The following SMC6 variants were observed in gnomAD, a reference collection of about 807,000 sequenced individuals.
SMC6 encodes the protein structural maintenance of chromosomes 6.
In SMC6, 79 loss-of-function variants were observed where a neutral mutation model predicts 142.2. The ratio of observed to expected loss-of-function variants is 0.56; its 90% CI spans 0.46 to 0.67. The LOEUF (loss-of-function observed/expected upper bound fraction) is 0.67. Ranked by LOEUF, SMC6 falls within the 30% of genes least tolerant of loss-of-function variation. SMC6 has a pLI of 0.00. For synonymous variants in SMC6, 411 were observed against 412.4 expected, an observed-to-expected ratio of 1.00 and a Z score of 0.04; for missense variants, 1,072 against 1,284.0, an observed-to-expected ratio of 0.83 and a Z score of 2.52.
chr2:17,701,715 A>C, intron 20 of SMC6, 114 bp downstream of exon 20: 1 of 658,596 alleles, frequency 1.5e-6, no homozygotes, highest in Non-Finnish European at 2.6e-6. Flanking sequence ...GACAGCAATC[A>C]TAAAGAGTAG....
At chr2:17,678,808 G>T (rs1455371924) in intron 25 of SMC6, 51 bp downstream of exon 25, 14 of 1,335,592 alleles carry the variant, frequency 1.0e-5, no homozygotes, top group Non-Finnish European at 1.0e-5. Context: ...GAAAAGAAAA[G>T]AAACAACTAG....
intron 4 of SMC6, among the ~76,000 whole-genome samples, chr2:17,740,085 T>G (rs1390529198): frequency 1.3e-5 from 2 of 152,220 alleles, no homozygotes; most frequent in Admixed American, 6.5e-5. Context: ...TCTAACTCTC[T>G]TTTCTTCATT....
intron 9 of SMC6, among the ~76,000 whole-genome samples, chr2:17,722,232 TCAA>T (rs1399186589): frequency 6.6e-6 from 1 of 152,124 alleles, no homozygotes; most frequent in Non-Finnish European, 1.5e-5. Flanking sequence ...AGAAACTCCC[TCAA>T]CAATCTACAA....
chr2:17,704,450 CAG>C (rs1668410061), intron 18 of SMC6, among the ~76,000 whole-genome samples: 1 of 152,134 alleles, frequency 6.6e-6, no homozygotes, highest in Non-Finnish European at 1.5e-5. Flanking sequence ...CTCCATACAG[CAG>C]AGTCAACTGG....
At chr2:17,681,161 C>G (rs1329802392) in intron 24 of SMC6, 1 of 152,408 alleles carries the variant, frequency 6.6e-6, no homozygotes, top group Admixed American at 6.6e-5. Context: ...CCTCTGCTAG[C>G]GTCATACTTT....
intron 26 of SMC6, among the ~76,000 whole-genome samples, chr2:17,668,065 G>A (rs545470309): frequency 6.6e-6 from 1 of 152,062 alleles, no homozygotes; most frequent in Admixed American, 6.5e-5. Context: ...TGTTTTCCTT[G>A]GATTAGCTCA....
intron 7 of SMC6, among the ~76,000 whole-genome samples, chr2:17,730,458 T>G (rs184610783): frequency 1.3e-5 from 2 of 151,704 alleles, no homozygotes; most frequent in African/African-American, 2.4e-5. Context: ...CTATTTTGAC[T>G]AGGACAGCAA....
At chr2:17,750,846 CAA>C (rs57638457) in intron 2 of SMC6, among the ~76,000 whole-genome samples, 6 of 150,300 alleles carry the variant, frequency 4.0e-5, no homozygotes, top group Non-Finnish European at 8.9e-5. Context: ...ACTAAAAATA[CAA>C]AAAAAAATTA....
Position 17,665,610 on chromosome 2 carries a change from T to C in SMC6, c.3165A>G (p.Ser1055=). 1.3e-6 allele frequency: 2 copies of C among 1,593,510 alleles called. No homozygotes were observed. Among genetic ancestry groups the C allele is most frequent in the Non-Finnish European group, 1.7e-6 (2 of 1,168,656 alleles). ...TTCTTATCAGTTTACTGGATGGAAGTGAACTAGAAGAAGCAAAATCAATTA... is the reference window on the plus strand; with the variant it reads ...TTCTTATCAGTTTACTGGATGGAAGCGAACTAGAAGAAGCAAAATCAATTA... The part of the protein sequence containing the change: ...FILLTPQSMS[S]LPSSKLIRIL... The change falls in exon 28 of 28, where the codon TCA becomes TCG. Residue 1055 remains serine, a synonymous_variant. Transcript: ENST00000448223.
intron 23 of SMC6, among the ~76,000 whole-genome samples, chr2:17,690,466 C>T (rs555364202): frequency 2.0e-5 from 3 of 151,942 alleles, no homozygotes; most frequent in South Asian, 2.1e-4. Context: ...TGGTGGTGCA[C>T]GCCTGTAATC....
chr2:17,676,374 T>G, intron 25 of SMC6, among the ~76,000 whole-genome samples: 1 of 152,200 alleles, frequency 6.6e-6, no homozygotes, highest in East Asian at 1.9e-4. Flanking sequence ...TAAAAAAAAT[T>G]ATCAATCACC....
intron 24 of SMC6, chr2:17,680,357 T>A (rs1195193055): frequency 6.6e-6 from 1 of 152,204 alleles, no homozygotes; most frequent in Non-Finnish European, 1.5e-5. Context: ...TCCCACTGCA[T>A]ACAAAAGTTT....
intron 2 of SMC6, among the ~76,000 whole-genome samples, chr2:17,751,509 C>G (rs1671037459): frequency 6.7e-6 from 1 of 148,420 alleles, no homozygotes; most frequent in Non-Finnish European, 1.5e-5. Flanking sequence ...AGAAAGAAAA[C>G]ACTGAGTTTC....
intron 16 of SMC6, among the ~76,000 whole-genome samples, chr2:17,712,337 C>T (rs1267003002): frequency 1.3e-5 from 2 of 152,156 alleles, no homozygotes; most frequent in Non-Finnish European, 2.9e-5. Flanking sequence ...AAGTTTAAGG[C>T]TCAGGAGAGG....
chr2:17,731,332 T>C (rs1344335065), intron 6 of SMC6, among the ~76,000 whole-genome samples, 193 bp from the exon 7 acceptor site: 1 of 152,252 alleles, frequency 6.6e-6, no homozygotes, highest in Non-Finnish European at 1.5e-5. Flanking sequence ...CATGCAATAA[T>C]GGTGCTTATC....
intron 26 of SMC6, among the ~76,000 whole-genome samples, chr2:17,667,531 G>C (rs551032765): frequency 1.3e-5 from 2 of 152,308 alleles, no homozygotes; most frequent in Non-Finnish European, 2.9e-5. Flanking sequence ...ATATGAACAT[G>C]TATATTTTAA....
rs375349809 is a variant in SMC6, at chr2:17,741,699, T to C, written c.151A>G (p.Ile51Val). The C allele has an allele frequency of 3.7e-6, 6 of 1,610,100 alleles. No individual in the cohort carries two copies. The African/African-American group carries it at 5.3e-5, about 14-fold the overall frequency. The change falls in exon 4 of 28, where the codon ATT becomes GTT. Residue 51 changes from isoleucine (I) to valine (V), a missense_variant. Coordinates refer to ENST00000448223, the MANE Select transcript of SMC6 (RefSeq NM_001142286.2). The stretch of plus-strand genomic sequence containing the variant: ...TGACACATGAAGTTTTTTAGGTGAA[T>C]ACTCTCAATTATTCCAACTTCTGCT... ...TAAEVGIIES[I>V]HLKNFMCHSM...
In SMC6 at chr2:17,703,216, C is replaced by A; in HGVS notation, c.2083G>T (p.Asp695Tyr). Reference protein sequence around the residue: ...LQQHLSALEKDIKHNEELLKR... With the variant: ...LQQHLSALEKYIKHNEELLKR... The stretch of plus-strand genomic sequence containing the variant: ...AGAAGTTCCTCATTGTGTTTAATAT[C>A]TTTTTCAAGGGCAGATAAATGTTGC... Residue 695 changes from aspartate (D) to tyrosine (Y), a missense_variant, in exon 19 of 28, where the codon GAT becomes TAT. Asp to Tyr is a radical substitution (Grantham distance 160). This residue lies in a region of SMC6 where 994 missense variants were observed against 1,153.2 expected (regional missense o/e 0.86). Transcript: ENST00000448223. 1 of 1,593,952 alleles carries A rather than the reference C, an allele frequency of 6.3e-7. No individual in the cohort carries two copies. Among genetic ancestry groups the A allele is most frequent in the Admixed American group, 1.7e-5 (1 of 58,976 alleles).
chr2:17,726,703 T>G (rs1669645801), intron 7 of SMC6, among the ~76,000 whole-genome samples: 1 of 152,216 alleles, frequency 6.6e-6, no homozygotes, highest in Admixed American at 6.5e-5. Flanking sequence ...CATTCAATAT[T>G]CTACCAGTAC....
Sources: allele counts gnomAD v4.1 joint callset (sites outside exome capture counted in the v4.1 genomes callset), GRCh38; gene constraint gnomAD v4.1.1; regional missense constraint gnomAD v4.1.1; transcripts MANE v1.5; gene names NCBI Gene and HGNC (gene_info 2026-07-23, HGNC 2026-07-21).